CBX7: variants seen among roughly 807,000 people sequenced by gnomAD.
CBX7 encodes the protein chromobox protein homolog 7.
CBX7 carries 14 observed loss-of-function variants against 31.4 expected under a neutral mutation model. The observed-to-expected ratio is 0.45, with a 90% CI of 0.29 to 0.70. CBX7 has a LOEUF of 0.70. Ranked by LOEUF, CBX7 falls within the 30% of genes least tolerant of loss-of-function variation. The pLI is 0.11. For missense variants in CBX7, 269 were observed against 351.9 expected (o/e 0.76, Z 1.89); for synonymous variants, 159 against 152.6 (o/e 1.04, Z -0.31).
chr22:39,134,269 T>C (rs1231379468), intron 5 of CBX7, 132 bp downstream of exon 5: 3 of 900,910 alleles, frequency 3.3e-6, no homozygotes, highest in East Asian at 2.7e-5. Flanking sequence ...TGGGCTAGTG[T>C]TGGGCCCTGA....
chr22:39,138,592 G>A (rs1601558396), intron 4 of CBX7, 44 bp downstream of exon 4: 2 of 1,586,930 alleles, frequency 1.3e-6, no homozygotes, highest in Non-Finnish European at 1.7e-6. Context: ...GGGGACTTGG[G>A]GTTGGGCAGG....
At chr22:39,142,112 T>G (rs1930480379) in intron 2 of CBX7, among the ~76,000 whole-genome samples, 1 of 152,192 alleles carries the variant, frequency 6.6e-6, no homozygotes, top group South Asian at 2.1e-4. Context: ...AGTCCATCTC[T>G]GCCCCTAGCT....
chr22:39,146,605 G>GT (rs1402569354), intron 2 of CBX7, among the ~76,000 whole-genome samples: 3 of 152,252 alleles, frequency 2.0e-5, no homozygotes, highest in African/African-American at 7.2e-5. Flanking sequence ...GCAGCCCGTA[G>GT]TTCACATCTG....
chr22:39,143,563 T>C (rs1341964023), intron 2 of CBX7, among the ~76,000 whole-genome samples: 2 of 152,260 alleles, frequency 1.3e-5, no homozygotes, highest in Admixed American at 6.5e-5. Context: ...CATAAGTTAG[T>C]GTAGCGTAAG....
chr22:39,137,999 G>A (rs1930313329), intron 4 of CBX7, among the ~76,000 whole-genome samples: 1 of 152,054 alleles, frequency 6.6e-6, no homozygotes, highest in African/African-American at 2.4e-5. Flanking sequence ...GGCCAACACG[G>A]TGAAACCCCG....
Position 39,131,929 on chromosome 22 carries a change from TC to T in CBX7, c.*1961del, listed in dbSNP as rs1218644733. 6.6e-6 allele frequency: 1 copy of T among 151,884 alleles called. No individual in the cohort carries two copies. The highest frequency in any genetic ancestry group is 1.5e-5 in the Non-Finnish European group (1 of 68,050). 9.4% of individuals were successfully genotyped at this position (151,884 alleles called of 1,614,324 possible). On this transcript the variant is annotated 3_prime_UTR_variant, in exon 6 of 6. Transcript: ENST00000216133. ...GCTGGGCACCCCTCTCCTGGAAGAGTCCCCTCTGAACCCCAAGCTTCCCCTT... is the reference window on the plus strand; with the variant it reads ...GCTGGGCACCCCTCTCCTGGAAGAGTCCCTCTGAACCCCAAGCTTCCCCTT...
At chr22:39,143,698 G>A (rs915378909) in intron 2 of CBX7, among the ~76,000 whole-genome samples, 2 of 152,222 alleles carry the variant, frequency 1.3e-5, no homozygotes, top group Admixed American at 6.5e-5. Flanking sequence ...TCTAGAAGGT[G>A]TCCCAGGTTT....
At chr22:39,146,733 A>G (rs1930674028) in intron 2 of CBX7, among the ~76,000 whole-genome samples, 1 of 152,242 alleles carries the variant, frequency 6.6e-6, no homozygotes, top group Non-Finnish European at 1.5e-5. Flanking sequence ...ATAGGGGCTT[A>G]TTGACAGCCT....
chr22:39,134,890 G>C, intron 4 of CBX7, 138 bp from the exon 5 acceptor site: 4 of 640,162 alleles, frequency 6.2e-6, no homozygotes, highest in Non-Finnish European at 1.1e-5. Context: ...GCCACGGCTG[G>C]CCATCACCCC....
intron 2 of CBX7, 21 bp downstream of exon 2, chr22:39,149,764 GACAC>G: frequency 6.2e-7 from 1 of 1,609,712 alleles, no homozygotes; most frequent in Non-Finnish European, 8.5e-7. Context: ...CAGACAGACA[GACAC>G]ACACACATGA....
chr22:39,148,033 G>A (rs1402119158), intron 2 of CBX7: 5 of 152,226 alleles, frequency 3.3e-5, no homozygotes, highest in African/African-American at 4.8e-5. Flanking sequence ...ATCTCAACTC[G>A]AAGATGAGGA....
chr22:39,134,871 C>A, intron 4 of CBX7, 119 bp from the exon 5 acceptor site: 1 of 672,340 alleles, frequency 1.5e-6, no homozygotes, highest in Non-Finnish European at 2.4e-6. Flanking sequence ...CCACTCAACT[C>A]CTTCCCATGC....
chr22:39,137,008 A>C (rs1414046947), intron 4 of CBX7, among the ~76,000 whole-genome samples: 1 of 152,228 alleles, frequency 6.6e-6, no homozygotes, highest in African/African-American at 2.4e-5. Context: ...GTGGACCAAG[A>C]ATCCTGACTT....
At chr22:39,136,226 G>A (rs1033093272) in intron 4 of CBX7, 19 of 152,142 alleles carry the variant, frequency 1.2e-4, no homozygotes, top group African/African-American at 4.6e-4. Flanking sequence ...GTCAGGTCCT[G>A]GGTAAGCTAC....
intron 2 of CBX7, among the ~76,000 whole-genome samples, chr22:39,146,214 CG>C (rs1009034991): frequency 1.3e-5 from 2 of 152,312 alleles, no homozygotes; most frequent in African/African-American, 4.8e-5. Flanking sequence ...TGTTAAGCCA[CG>C]GAAAGCATTT....
chr22:39,143,268 T>C (rs1930523137), intron 2 of CBX7, among the ~76,000 whole-genome samples: 1 of 147,344 alleles, frequency 6.8e-6, no homozygotes, highest in Admixed American at 6.7e-5. Flanking sequence ...ACAATGAAAA[T>C]AAAAATATAA....
chr22:39,137,212 T>G (rs565831772), intron 4 of CBX7, among the ~76,000 whole-genome samples: 3 of 152,278 alleles, frequency 2.0e-5, no homozygotes, highest in African/African-American at 7.2e-5. Context: ...TTGCATTATA[T>G]ATACTAGCTG....
rs146668606 is a variant in CBX7, at chr22:39,134,456, G to A, written c.543C>T (p.Asp181=). ...ELFLQEPPAP[D]VLQAAGEWEP... ...CCCACTCGCCAGCCGCCTGCAGGAC[G>A]TCTGGGGCCGGTGGCTCCTGCAGGA... The change falls in exon 5 of 6, where the codon GAC becomes GAT. Residue 181 remains aspartate (D), a synonymous_variant. Transcript: ENST00000216133. The A allele has an allele frequency of 1.1e-3, 1,745 of 1,607,354 alleles. 3 individuals carry two copies. The highest frequency in any genetic ancestry group is 1.4e-3 in the Non-Finnish European group (1,627 of 1,179,790).
In CBX7 at chr22:39,152,247, G is replaced by T; in HGVS notation, c.69+129C>A. On this transcript the variant is annotated intron_variant, in intron 1 of 5. Transcript: ENST00000216133. The surrounding 1 kb of genome is among the most constrained non-coding windows in gnomAD (Gnocchi z 4.9). ...ACTGAGGCACGGGCTGGGGAGACGG[G>T]CCCAGCAGCGCAGGGCTGCCGGGGC... The T allele has an allele frequency of 2.8e-6, 1 of 354,958 alleles. No individual in the cohort carries two copies. Among genetic ancestry groups the T allele is most frequent in the Non-Finnish European group, 4.6e-6 (1 of 217,542 alleles). The allele number at this position is 354,958 out of a possible 1,614,324, so 22.0% of individuals were successfully genotyped here. A position where few individuals can be genotyped will look rare whatever the true frequency, so the allele number is the denominator to read the frequency against.
Sources: gnomAD v4.1 joint callset for allele counts (sites outside exome capture counted in the v4.1 genomes callset) on GRCh38, gnomAD v4.1.1 for gene constraint, Gnocchi (gnomAD v3.1) non-coding constraint, MANE v1.5 for transcripts, NCBI Gene and HGNC (gene_info 2026-07-23, HGNC 2026-07-21) for gene names.